The following SLC35F3 variants were observed in gnomAD, a reference collection of about 807,000 sequenced individuals.
The protein encoded by SLC35F3 is solute carrier family 35 member F3, also known as putative thiamine transporter SLC35F3.
A neutral mutation model predicts 49.9 loss-of-function variants in SLC35F3; 25 were observed. The observed-to-expected ratio is 0.50, with a 90% CI of 0.37 to 0.70. SLC35F3 has a LOEUF of 0.70. Among genes scored for constraint, SLC35F3 ranks in the 30% least tolerant of loss-of-function variants. The probability of loss-of-function intolerance (pLI) is 0.00; values close to 1 mark genes in which losing one functional copy is unlikely to be tolerated. For missense variants in SLC35F3, 525 were observed against 639.8 expected, an observed-to-expected ratio of 0.82 and a Z score of 1.94; for synonymous variants, 275 against 265.4, an observed-to-expected ratio of 1.04 and a Z score of -0.35.
chr1:234,284,010 A>G (rs1668369953), intron 3 of SLC35F3, among the ~76,000 whole-genome samples: 1 of 152,122 alleles, frequency 6.6e-6, no homozygotes, highest in Non-Finnish European at 1.5e-5. Flanking sequence ...GGCTCAAGCG[A>G]TCCTTCCTCC....
At chr1:234,032,046 C>T (rs994031278) in intron 2 of SLC35F3, among the ~76,000 whole-genome samples, 26 of 152,134 alleles carry the variant, frequency 1.7e-4, no homozygotes, top group Admixed American at 1.3e-4. Flanking sequence ...CAGTTGACCT[C>T]GTTGGTGTTT....
intron 2 of SLC35F3, among the ~76,000 whole-genome samples, chr1:233,920,618 G>T (rs145268538): frequency 6.6e-6 from 1 of 152,222 alleles, no homozygotes; most frequent in African/African-American, 2.4e-5. Context: ...TTGAGTGTGC[G>T]TGGGACCTGT....
chr1:234,099,966 T>C (rs951145891), intron 2 of SLC35F3, among the ~76,000 whole-genome samples: 1 of 152,226 alleles, frequency 6.6e-6, no homozygotes, highest in African/African-American at 2.4e-5. Flanking sequence ...TCAATGAGTC[T>C]TAAATAACAA....
intron 2 of SLC35F3, among the ~76,000 whole-genome samples, chr1:233,987,345 T>A (rs368393414): frequency 2.0e-5 from 3 of 152,154 alleles, no homozygotes; most frequent in African/African-American, 7.2e-5. Flanking sequence ...CCTTGTATGT[T>A]TGAAAATGCC....
chr1:234,139,951 T>TAATAAAAAATAA (rs1553308863), intron 2 of SLC35F3, among the ~76,000 whole-genome samples: 1 of 90,564 alleles, frequency 1.1e-5, no homozygotes, highest in Non-Finnish European at 2.3e-5. Flanking sequence ...CATCTCAAAA[T>TAATAAAAAATAA]AATAAAATAA....
At chr1:234,270,879 C>T (rs1668087944) in intron 3 of SLC35F3, among the ~76,000 whole-genome samples, 1 of 152,190 alleles carries the variant, frequency 6.6e-6, no homozygotes, top group Non-Finnish European at 1.5e-5. Flanking sequence ...CTTGATGATG[C>T]TGCTCAGAAG....
At chr1:234,133,948 C>T (rs1341011529) in intron 2 of SLC35F3, among the ~76,000 whole-genome samples, 1 of 152,072 alleles carries the variant, frequency 6.6e-6, no homozygotes, top group Non-Finnish European at 1.5e-5. Context: ...AATATGTGAC[C>T]ACATGGCTCT....
At chr1:234,280,865 T>A (rs1278990249) in intron 3 of SLC35F3, among the ~76,000 whole-genome samples, 4 of 152,176 alleles carry the variant, frequency 2.6e-5, no homozygotes, top group Admixed American at 2.6e-4. Context: ...CAAGTAGGAC[T>A]CCAGATCCTA....
intron 2 of SLC35F3, among the ~76,000 whole-genome samples, chr1:234,158,551 T>A (rs181895398): frequency 6.6e-6 from 1 of 152,364 alleles, no homozygotes; most frequent in Non-Finnish European, 1.5e-5. Context: ...TATTTGTTGG[T>A]GTGGACATAC....
rs16842518 is a variant in SLC35F3, at chr1:234,081,609, T to C, written c.284-149808T>C. Among the ~76,000 whole-genome samples, 2,977 of 152,290 alleles carry C rather than the reference T, an allele frequency of 0.02. 295 individuals carry two copies. The East Asian group carries it at 0.31, about 16-fold the overall frequency. On this transcript the variant is annotated intron_variant, in intron 2 of 7. Coordinates refer to ENST00000366618, the MANE Select transcript of SLC35F3 (RefSeq NM_173508.4). ...TATTCAACCCTATTCTTTGCTTTTCTTTACACTGCCTTTTCTTGATGCCTT... is the reference window on the plus strand; with the variant it reads ...TATTCAACCCTATTCTTTGCTTTTCCTTACACTGCCTTTTCTTGATGCCTT...
intron 2 of SLC35F3, among the ~76,000 whole-genome samples, chr1:234,143,288 C>CTTTTCTTTTCTTTTTTTT (rs1478216426): frequency 1.6e-5 from 2 of 123,530 alleles, no homozygotes; most frequent in East Asian, 6.1e-4. Flanking sequence ...CTTTTCTTTT[C>CTTTTCTTTTCTTTTTTTT]TTTTTTTTTT....
intron 2 of SLC35F3, among the ~76,000 whole-genome samples, chr1:234,052,330 A>G (rs1161153174): frequency 6.6e-6 from 1 of 152,188 alleles, no homozygotes; most frequent in East Asian, 1.9e-4. Flanking sequence ...TTATTGGTCT[A>G]TTCAGGGATT....
intron 2 of SLC35F3, among the ~76,000 whole-genome samples, chr1:234,155,876 A>G (rs1272580038): frequency 1.3e-5 from 2 of 151,960 alleles, no homozygotes; most frequent in African/African-American, 4.8e-5. Context: ...TATGTTCCAT[A>G]TTTATATATT....
At chr1:233,937,634 G>A (rs1662355901) in intron 2 of SLC35F3, among the ~76,000 whole-genome samples, 1 of 152,184 alleles carries the variant, frequency 6.6e-6, no homozygotes, top group Non-Finnish European at 1.5e-5. Context: ...AACCTTTGAA[G>A]TATTTGAAAA....
intron 2 of SLC35F3, among the ~76,000 whole-genome samples, chr1:233,984,878 A>G (rs557876829): frequency 2.0e-5 from 3 of 152,294 alleles, no homozygotes; most frequent in South Asian, 4.1e-4. Flanking sequence ...CCATGATTCT[A>G]GCTTCCTTGG....
chr1:234,007,574 T>C (rs142083527), intron 2 of SLC35F3, among the ~76,000 whole-genome samples: 28 of 152,338 alleles, frequency 1.8e-4, no homozygotes, highest in Middle Eastern at 3.4e-3. Context: ...ATAACTGTCA[T>C]TGGACCTTCC....
chr1:234,103,781 T>TTA (rs1425731225), intron 2 of SLC35F3, among the ~76,000 whole-genome samples: 4 of 152,176 alleles, frequency 2.6e-5, no homozygotes, highest in African/African-American at 7.2e-5. Context: ...TGGGAAAGGA[T>TTA]TATACTTCCC....
chr1:234,089,115 G>T (rs1039829333), intron 2 of SLC35F3, among the ~76,000 whole-genome samples: 1 of 151,986 alleles, frequency 6.6e-6, no homozygotes, highest in African/African-American at 2.4e-5. Context: ...CCACGAGGCA[G>T]TGTTGGCATT....
At chr1:233,911,467 G>T (rs1661872140) in intron 2 of SLC35F3, among the ~76,000 whole-genome samples, 3 of 152,032 alleles carry the variant, frequency 2.0e-5, no homozygotes, top group African/African-American at 7.2e-5. Context: ...TTTTTTATTG[G>T]GTCAGAGAAT....
Sources: gnomAD v4.1 joint callset for allele counts (sites outside exome capture counted in the v4.1 genomes callset) on GRCh38, gnomAD v4.1.1 for gene constraint, MANE v1.5 for transcripts, NCBI Gene and HGNC (gene_info 2026-07-23, HGNC 2026-07-21) for gene names.